EXTL3: variants seen among roughly 807,000 people sequenced by gnomAD.
EXTL3 encodes the protein exostosin like glycosyltransferase 3.
Under a neutral mutation model 69.3 loss-of-function variants are expected in EXTL3, and 27 were observed. The ratio of observed to expected loss-of-function variants is 0.39; its 90% CI spans 0.29 to 0.54. The LOEUF (loss-of-function observed/expected upper bound fraction) is 0.54. Among genes scored for constraint, EXTL3 ranks in the 20% least tolerant of loss-of-function variants. EXTL3 has a pLI of 0.69. For synonymous variants in EXTL3, 511 were observed against 499.4 expected, an observed-to-expected ratio of 1.02 and a Z score of -0.31; for missense variants, 1,003 against 1,231.8, an observed-to-expected ratio of 0.81 and a Z score of 2.78.
At chr8:28,702,218 G>T (rs991385829) in intron 1 of EXTL3, among the ~76,000 whole-genome samples, 1 of 152,164 alleles carries the variant, frequency 6.6e-6, no homozygotes, top group Non-Finnish European at 1.5e-5. Flanking sequence ...TTTTTGCCGG[G>T]CTCGCCTCCT....
chr8:28,731,413 G>T lies in EXTL3; in HGVS notation c.2276+63G>T, dbSNP rs542244847. ...AGTGACAGAAAACCTGGATTAGGCT[G>T]CAAAATGAATTTTTTGGCTGATGGT... On this transcript the variant is annotated intron_variant, in intron 4 of 6. Transcript: ENST00000220562. 4 of 1,591,776 alleles carry T rather than the reference G, an allele frequency of 2.5e-6. No homozygotes were observed. In the South Asian group the frequency reaches 4.4e-5, roughly 18 times the overall value.
At position 28,731,163 on chromosome 8, in the gene EXTL3, T is replaced by C. The variant is rs962825061; in HGVS notation, c.2149-60T>C. On this transcript the variant is annotated intron_variant, in intron 3 of 6. Coordinates refer to ENST00000220562, the MANE Select transcript of EXTL3 (RefSeq NM_001440.4). ...TGGTCTCCTTGGACCTAAATACAGA[T>C]TTTGTTTGGCCTTTCATAACACAGC... The C allele has an allele frequency of 2.8e-5, 45 of 1,610,594 alleles. No individual in the cohort carries two copies. The African/African-American group carries it at 5.9e-4, about 21-fold the overall frequency.
At position 28,623,914 on chromosome 8, in the gene EXTL3, T is replaced by A. The variant is rs776337601; in HGVS notation, c.-53+1104T>A. Among the ~76,000 whole-genome samples the A allele has an allele frequency of 6.6e-6, 1 of 152,204 alleles. No homozygotes were observed. The highest frequency in any genetic ancestry group is 1.5e-5 in the Non-Finnish European group (1 of 68,038). ...TAAAACGTTTCTGCCTCTGAGAAGGTTGAACTATTAATATTATATTTATTG... is the reference window on the plus strand; with the variant it reads ...TAAAACGTTTCTGCCTCTGAGAAGGATGAACTATTAATATTATATTTATTG... On this transcript the variant is annotated intron_variant, in intron 1 of 6. Coordinates refer to the EXTL3 transcript ENST00000523149. This position sits in a 1 kb window ranked among gnomAD's most constrained non-coding sequence, Gnocchi z 4.2.
upstream of EXTL3, chr8:28,622,594 GA>G (rs944966388): frequency 1.3e-5 from 2 of 149,458 alleles, no homozygotes; most frequent in African/African-American, 4.9e-5. Context: ...GGGAGCCGCC[GA>G]GGGGGCGGTG....
chr8:28,642,235 G>A (rs1304655701), intron 1 of EXTL3, among the ~76,000 whole-genome samples: 2 of 152,036 alleles, frequency 1.3e-5, no homozygotes, highest in African/African-American at 2.4e-5. Context: ...CTTGAGTCCA[G>A]GAGTTCGAGA....
At chr8:28,640,567 G>A (rs190847552) in intron 1 of EXTL3, among the ~76,000 whole-genome samples, 3 of 152,138 alleles carry the variant, frequency 2.0e-5, no homozygotes, top group Non-Finnish European at 4.4e-5. Context: ...GCTTCACCAT[G>A]GTATTAACAC....
chr8:28,696,173 G>A (rs1800683884), intron 1 of EXTL3: 1 of 152,110 alleles, frequency 6.6e-6, no homozygotes, highest in African/African-American at 2.4e-5. Context: ...AGGATTACAG[G>A]TGTGAGCCCA....
intron 3 of EXTL3, among the ~76,000 whole-genome samples, chr8:28,728,774 G>A (rs1349391474): frequency 6.6e-6 from 1 of 152,054 alleles, no homozygotes; most frequent in African/African-American, 2.4e-5. Context: ...GTAGGTCCCA[G>A]CTACTTGGGG....
At position 28,717,515 on chromosome 8, in the gene EXTL3, C is replaced by G; in HGVS notation, c.1456C>G (p.Pro486Ala). The G allele has an allele frequency of 6.2e-7, 1 of 1,614,246 alleles. No homozygotes were observed. The highest frequency in any genetic ancestry group is 8.5e-7 in the Non-Finnish European group (1 of 1,180,038). ...GTGGAACGAGGCGGCCCTGGTGGTG[C>G]CAAAGCCTCGTGTTACCGAGGTTCA... ...LQWNEAALVV[P>A]KPRVTEVHFL... is the part of the protein sequence containing the mutation. Residue 486 changes from proline to alanine, a missense_variant, in exon 3 of 7, where the codon CCA becomes GCA. Physicochemically the swap from Pro to Ala is conservative, Grantham distance 27 (BLOSUM62 -1). This residue lies in a region of EXTL3 where 742 missense variants were observed against 815.4 expected (regional missense o/e 0.91). Transcript: ENST00000220562. This position sits in a 1 kb window ranked among gnomAD's most constrained non-coding sequence, Gnocchi z 8.3.
chr8:28,727,315 T>C (rs1287786486), intron 3 of EXTL3, among the ~76,000 whole-genome samples: 1 of 152,066 alleles, frequency 6.6e-6, no homozygotes, highest in East Asian at 1.9e-4. Flanking sequence ...GTTCCTGGAG[T>C]CCTTAGTAGT....
intron 3 of EXTL3, among the ~76,000 whole-genome samples, chr8:28,724,212 C>T (rs1801360447): frequency 6.6e-6 from 1 of 152,036 alleles, no homozygotes; most frequent in Admixed American, 6.5e-5. Context: ...TCTTTATCTG[C>T]ATTCTCTCAT....
intron 1 of EXTL3, among the ~76,000 whole-genome samples, chr8:28,653,662 TC>T (rs1480770144): frequency 6.6e-6 from 1 of 152,220 alleles, no homozygotes; most frequent in African/African-American, 2.4e-5. Flanking sequence ...CTTGCTGAAA[TC>T]AATTGACTAG....
intron 3 of EXTL3, 68 bp from the exon 4 acceptor site, chr8:28,731,155 A>C (rs1801529711): frequency 6.2e-7 from 1 of 1,605,182 alleles, no homozygotes; most frequent in Admixed American, 1.7e-5. Flanking sequence ...CTTGGACCTA[A>C]ATACAGATTT....
upstream of EXTL3, chr8:28,697,849 A>AC (rs2130689702): frequency 6.6e-6 from 1 of 152,100 alleles, no homozygotes; most frequent in African/African-American, 2.4e-5. Context: ...AAAAAAAAAA[A>AC]AACTACATAC....
At chr8:28,707,257 T>C (rs1480362444) in intron 1 of EXTL3, among the ~76,000 whole-genome samples, 1 of 152,252 alleles carries the variant, frequency 6.6e-6, no homozygotes, top group Non-Finnish European at 1.5e-5. Context: ...TATACAGGGC[T>C]GTAGGTCATA....
chr8:28,732,587 A>G (rs1236569979), intron 4 of EXTL3, among the ~76,000 whole-genome samples: 1 of 152,176 alleles, frequency 6.6e-6, no homozygotes, highest in Non-Finnish European at 1.5e-5. Context: ...GTAGCCACTC[A>G]ATCTTTGCAT....
chr8:28,635,440 A>G (rs1194250394), intron 1 of EXTL3, among the ~76,000 whole-genome samples: 3 of 148,490 alleles, frequency 2.0e-5, no homozygotes, highest in Non-Finnish European at 3.0e-5. Context: ...AGTGGCTCAC[A>G]CCTGTAATCC....
At chr8:28,665,941 G>A (rs1195527312) in intron 1 of EXTL3, among the ~76,000 whole-genome samples, 3 of 152,194 alleles carry the variant, frequency 2.0e-5, no homozygotes, top group South Asian at 2.1e-4. Flanking sequence ...TCTGTCTGGC[G>A]TCATCCAGTT....
At chr8:28,741,545 G>A (rs1003128088) in intron 5 of EXTL3, 1 of 151,942 alleles carries the variant, frequency 6.6e-6, no homozygotes, top group African/African-American at 2.4e-5. Flanking sequence ...AGAACTCCCA[G>A]GCTCAAGTGA....
Sources: gnomAD v4.1 joint callset for allele counts (sites outside exome capture counted in the v4.1 genomes callset) on GRCh38, gnomAD v4.1.1 for gene constraint, gnomAD v4.1.1 regional missense constraint, Gnocchi (gnomAD v3.1) non-coding constraint, MANE v1.5 for transcripts, NCBI Gene and HGNC (gene_info 2026-07-23, HGNC 2026-07-21) for gene names.